MAPK4: variants seen among roughly 807,000 people sequenced by gnomAD.
MAPK4 encodes the protein Erk3-related.
In MAPK4, 22 loss-of-function variants were observed where a neutral mutation model predicts 47.7. That is an observed-to-expected ratio of 0.46 (90% CI 0.33 to 0.66). MAPK4 has a LOEUF of 0.66. Ranked by LOEUF, MAPK4 falls within the 30% of genes least tolerant of loss-of-function variation. MAPK4 has a pLI of 0.02. For synonymous variants in MAPK4, 390 were observed against 365.7 expected (o/e 1.07, Z -0.76); for missense variants, 736 against 831.7 (o/e 0.88, Z 1.42).
chr18:50,633,104 G>C (rs2042847508), intron 1 of MAPK4, among the ~76,000 whole-genome samples: 1 of 152,180 alleles, frequency 6.6e-6, no homozygotes, highest in Non-Finnish European at 1.5e-5. Context: ...TCACACTCCA[G>C]CTCCCATGTC....
intron 1 of MAPK4, among the ~76,000 whole-genome samples, chr18:50,583,168 G>A (rs1282381835): frequency 1.3e-5 from 2 of 152,192 alleles, no homozygotes; most frequent in Admixed American, 6.5e-5. Flanking sequence ...GACCCTGAAA[G>A]CAGGTTCTGT....
At chr18:50,638,795 C>G (rs923600320) in intron 1 of MAPK4, among the ~76,000 whole-genome samples, 4 of 152,200 alleles carry the variant, frequency 2.6e-5, no homozygotes, top group African/African-American at 9.7e-5. Context: ...ACTGGCTGCT[C>G]CCTGCCAGGC....
Position 50,601,333 on chromosome 18 carries a change from C to CAAAA in MAPK4, c.-871+41113_-871+41116dup, listed in dbSNP as rs35148592. 3.4e-3 allele frequency among the ~76,000 whole-genome samples: 181 copies of CAAAA among 53,184 alleles called. 7 individuals are homozygous for CAAAA. Among genetic ancestry groups the CAAAA allele is most frequent in the African/African-American group, 9.9e-3 (167 of 16,802 alleles). 34.9% of individuals were successfully genotyped at this position (53,184 alleles called of 152,430 possible). Reference sequence around the variant, plus strand: ...TGGGTGAGAGAGCAAGACTCTATGTCAAAAAAAAAAAAAAAAAAAAAAAAA... The same window carrying CAAAA: ...TGGGTGAGAGAGCAAGACTCTATGTCAAAAAAAAAAAAAAAAAAAAAAAAAAAAA... On this transcript the variant is annotated intron_variant, in intron 1 of 5. Coordinates refer to ENST00000400384, the MANE Select transcript of MAPK4 (RefSeq NM_002747.4).
At chr18:50,694,159 G>A (rs1545130) in intron 2 of MAPK4, among the ~76,000 whole-genome samples, 65,706 of 152,068 alleles carry the variant, frequency 0.43, 15,113 homozygotes, top group Non-Finnish European at 0.52. Context: ...GCATACTGCG[G>A]TAAATCTGCT....
At chr18:50,622,866 G>C (rs1161303660) in intron 1 of MAPK4, among the ~76,000 whole-genome samples, 1 of 152,228 alleles carries the variant, frequency 6.6e-6, no homozygotes, top group Non-Finnish European at 1.5e-5. Flanking sequence ...GTGAAAGCCA[G>C]TGCGCCCAAG....
At chr18:50,706,024 C>T (rs1910034303) in intron 2 of MAPK4, 1 of 152,210 alleles carries the variant, frequency 6.6e-6, no homozygotes, top group South Asian at 2.1e-4. Flanking sequence ...TTAGCCCCAT[C>T]TCTCTACCTG....
intron 1 of MAPK4, among the ~76,000 whole-genome samples, chr18:50,615,207 G>T (rs754909670): frequency 2.0e-5 from 3 of 152,164 alleles, no homozygotes; most frequent in South Asian, 2.1e-4. Context: ...GTGTTGGGGG[G>T]GGAGATCCAG....
chr18:50,665,704 C>G (rs1201945452), intron 2 of MAPK4, among the ~76,000 whole-genome samples: 2 of 152,184 alleles, frequency 1.3e-5, no homozygotes, highest in African/African-American at 2.4e-5. Context: ...AACTTGGGCT[C>G]CAGCCCAGGT....
chr18:50,616,555 A>C (rs1025002204), intron 1 of MAPK4, among the ~76,000 whole-genome samples: 4 of 152,236 alleles, frequency 2.6e-5, no homozygotes, highest in African/African-American at 9.6e-5. Context: ...GTCCCAGAAT[A>C]GACCATCTGC....
intron 1 of MAPK4, among the ~76,000 whole-genome samples, chr18:50,574,617 G>A (rs977153181): frequency 5.9e-5 from 9 of 152,074 alleles, no homozygotes; most frequent in African/African-American, 1.9e-4. Flanking sequence ...GTCAATGCTG[G>A]CAAAAATCAG....
intron 1 of MAPK4, among the ~76,000 whole-genome samples, chr18:50,610,373 A>G (rs1226663270): frequency 6.6e-6 from 1 of 152,184 alleles, no homozygotes; most frequent in Non-Finnish European, 1.5e-5. Flanking sequence ...GACCTTGGAG[A>G]ACTGGGCACT....
chr18:50,677,687 T>C (rs914734304), intron 2 of MAPK4, among the ~76,000 whole-genome samples: 8 of 152,230 alleles, frequency 5.3e-5, no homozygotes, highest in South Asian at 2.1e-4. Context: ...GCTGGGGCTA[T>C]AGGCACATGC....
At chr18:50,596,806 C>G (rs2042485721) in intron 1 of MAPK4, among the ~76,000 whole-genome samples, 1 of 152,176 alleles carries the variant, frequency 6.6e-6, no homozygotes, top group African/African-American at 2.4e-5. Context: ...GGCTGTTAAA[C>G]ACAAGATCAA....
chr18:50,590,850 AC>A (rs1314413681), intron 1 of MAPK4, among the ~76,000 whole-genome samples: 3 of 152,132 alleles, frequency 2.0e-5, no homozygotes, highest in African/African-American at 4.8e-5. Context: ...GGTAAATCAT[AC>A]AGTCTCCCAA....
intron 2 of MAPK4, among the ~76,000 whole-genome samples, chr18:50,714,082 A>G (rs1027944170): frequency 3.9e-5 from 6 of 152,320 alleles, no homozygotes; most frequent in Admixed American, 1.3e-4. Context: ...AGACTGTGAT[A>G]CTTCTGCATC....
At chr18:50,645,784 G>A (rs1384889466) in intron 1 of MAPK4, among the ~76,000 whole-genome samples, 1 of 152,186 alleles carries the variant, frequency 6.6e-6, no homozygotes, top group Non-Finnish European at 1.5e-5. Context: ...TCTGAGGGTG[G>A]AAGGCTGGGG....
At chr18:50,634,272 A>G (rs900880074) in intron 1 of MAPK4, among the ~76,000 whole-genome samples, 4 of 149,086 alleles carry the variant, frequency 2.7e-5, no homozygotes, top group Non-Finnish European at 5.9e-5. Flanking sequence ...TTTGCCTGGC[A>G]TGTGCAACTT....
chr18:50,721,201 G>A (rs112492901), intron 3 of MAPK4, among the ~76,000 whole-genome samples: 137 of 152,344 alleles, frequency 9.0e-4, no homozygotes, highest in African/African-American at 2.9e-3. Context: ...GGTGTGGGAG[G>A]TGAGTTGAGT....
intron 2 of MAPK4, among the ~76,000 whole-genome samples, chr18:50,670,416 AG>A: frequency 6.6e-6 from 1 of 152,222 alleles, no homozygotes; most frequent in East Asian, 1.9e-4. Context: ...GTTCAAGATC[AG>A]ACTGCTTCCA....
Sources: allele counts gnomAD v4.1 joint callset (sites outside exome capture counted in the v4.1 genomes callset), GRCh38; gene constraint gnomAD v4.1.1; transcripts MANE v1.5; gene names NCBI Gene and HGNC (gene_info 2026-07-23, HGNC 2026-07-21).